The following MAST4 variants were observed in gnomAD, a reference collection of about 807,000 sequenced individuals.
MAST4 encodes the protein microtubule associated serine/threonine kinase family member 4.
Under a neutral mutation model 162.7 loss-of-function variants are expected in MAST4, and 89 were observed. That is an observed-to-expected ratio of 0.55 (90% CI 0.46 to 0.65). MAST4 has a LOEUF of 0.65. Ranked by LOEUF, MAST4 falls within the 30% of genes least tolerant of loss-of-function variation. The probability of loss-of-function intolerance (pLI) is 0.00; values close to 1 mark genes in which losing one functional copy is unlikely to be tolerated. For synonymous variants in MAST4, 1,479 were observed against 1,361.1 expected, an observed-to-expected ratio of 1.09 and a Z score of -1.91; for missense variants, 3,153 against 3,374.0, an observed-to-expected ratio of 0.93 and a Z score of 1.62.
chr5:66,736,658 C>T (rs962717066), intron 1 of MAST4, among the ~76,000 whole-genome samples: 6 of 152,156 alleles, frequency 3.9e-5, no homozygotes, highest in Non-Finnish European at 7.4e-5. Flanking sequence ...TTTCTGCAGT[C>T]CTGCATTCAG....
rs117456860 is a variant in MAST4 at position 66,600,979 on chromosome 5, T to A, written c.363+3961T>A. Among the ~76,000 whole-genome samples the A allele has an allele frequency of 4.4e-3, 668 of 152,334 alleles. 17 individuals are homozygous for A. In the South Asian group the frequency reaches 0.062, roughly 14 times the overall value. ...GGTATAAGTTAGGAAATGGTTTCTCTTATTAACAATAGGCTTACAGTGATA... is the reference window on the plus strand; with the variant it reads ...GGTATAAGTTAGGAAATGGTTTCTCATATTAACAATAGGCTTACAGTGATA... On this transcript the variant is annotated intron_variant, in intron 1 of 28. Coordinates refer to ENST00000403625, the MANE Select transcript of MAST4 (RefSeq NM_001164664.2).
At chr5:66,854,604 A>T (rs1313621270) in intron 3 of MAST4, among the ~76,000 whole-genome samples, 1 of 152,090 alleles carries the variant, frequency 6.6e-6, no homozygotes, top group East Asian at 1.9e-4. Context: ...CAGACGGAGC[A>T]TGGGAGAGGG....
At chr5:67,141,914 T>A (rs1305570612) in intron 19 of MAST4, among the ~76,000 whole-genome samples, 2 of 152,358 alleles carry the variant, frequency 1.3e-5, no homozygotes, top group East Asian at 3.9e-4. Flanking sequence ...TAGCAACTGC[T>A]GTTAGCAACA....
intron 4 of MAST4, among the ~76,000 whole-genome samples, chr5:66,996,677 T>C (rs1211099159): frequency 6.6e-6 from 1 of 152,180 alleles, no homozygotes; most frequent in Admixed American, 6.5e-5. Context: ...TTGGCTCTTG[T>C]CCCCTTCCTC....
Position 66,834,883 on chromosome 5 carries a change from A to G in MAST4, c.642+46089A>G, listed in dbSNP as rs866162940. ...TACCTGTGCTGCAGGTCGTGCAAGT[A>G]GTCTCAATTTTAAATTGCTCTGCTC... On this transcript the variant is annotated intron_variant, in intron 3 of 28. Transcript: ENST00000403625. Among the ~76,000 whole-genome samples the G allele has an allele frequency of 2.6e-5, 4 of 152,282 alleles. No homozygotes were observed. The South Asian group carries it at 8.3e-4, about 32-fold the overall frequency.
At chr5:66,968,727 A>G (rs78810596) in intron 4 of MAST4, among the ~76,000 whole-genome samples, 15,916 of 152,252 alleles carry the variant, frequency 0.1, 1,090 homozygotes, top group African/African-American at 0.19. Flanking sequence ...CACCTTGAGA[A>G]AAAGGACTTA....
intron 14 of MAST4, among the ~76,000 whole-genome samples, chr5:67,129,209 A>G (rs920904762): frequency 1.3e-5 from 2 of 152,144 alleles, no homozygotes; most frequent in Non-Finnish European, 2.9e-5. Context: ...TGGGACATGC[A>G]TTTCCTGTTG....
At chr5:66,824,550 A>G (rs1757151059) in intron 3 of MAST4, among the ~76,000 whole-genome samples, 2 of 152,254 alleles carry the variant, frequency 1.3e-5, no homozygotes, top group African/African-American at 4.8e-5. Flanking sequence ...TGAACATTTC[A>G]GTTACTGAAG....
chr5:66,988,494 TA>T (rs1749746216), intron 4 of MAST4, among the ~76,000 whole-genome samples: 1 of 152,232 alleles, frequency 6.6e-6, no homozygotes, highest in East Asian at 1.9e-4. Flanking sequence ...ATTTCTGGAA[TA>T]TTAGACACTG....
chr5:66,739,559 C>G (rs1316987656), intron 1 of MAST4, among the ~76,000 whole-genome samples: 4 of 152,186 alleles, frequency 2.6e-5, no homozygotes, highest in African/African-American at 7.2e-5. Context: ...TTCACTCCCC[C>G]TCAACAGCAT....
chr5:66,795,074 C>A (rs1364004127), intron 3 of MAST4, among the ~76,000 whole-genome samples: 5 of 152,154 alleles, frequency 3.3e-5, no homozygotes. Context: ...ATCAATACTT[C>A]ATTAGCCTTA....
chr5:67,052,258 G>A (rs984569480), intron 4 of MAST4, among the ~76,000 whole-genome samples: 1 of 152,124 alleles, frequency 6.6e-6, no homozygotes, highest in African/African-American at 2.4e-5. Context: ...TCTGTATAGA[G>A]GAGTAGATGC....
intron 3 of MAST4, chr5:66,789,669 G>T (rs2149676632): frequency 1.9e-6 from 1 of 514,566 alleles, no homozygotes; most frequent in Non-Finnish European, 3.9e-6. Flanking sequence ...ACATCCATCT[G>T]CCCCTCTCTG....
At chr5:66,994,491 C>G (rs1750406738) in intron 4 of MAST4, among the ~76,000 whole-genome samples, 2 of 152,186 alleles carry the variant, frequency 1.3e-5, no homozygotes, top group Admixed American at 6.5e-5. Context: ...ATTTGTCACT[C>G]ACCTGTCACT....
chr5:66,977,329 A>T (rs55828494), intron 4 of MAST4, among the ~76,000 whole-genome samples: 7,214 of 151,958 alleles, frequency 0.047, 576 homozygotes, highest in African/African-American at 0.16. Context: ...CTTAACTCCC[A>T]ACCTCAGGTG....
chr5:66,702,698 G>A (rs1749859514), intron 1 of MAST4, among the ~76,000 whole-genome samples: 1 of 152,150 alleles, frequency 6.6e-6, no homozygotes, highest in Admixed American at 6.5e-5. Context: ...GAGCAGAACA[G>A]GCAAGAAAGG....
intron 26 of MAST4, among the ~76,000 whole-genome samples, chr5:67,157,057 C>G (rs1298171751): frequency 6.6e-6 from 1 of 152,158 alleles, no homozygotes; most frequent in Admixed American, 6.5e-5. Flanking sequence ...TACAGAAATT[C>G]TTCTATACAA....
rs1050375293 is a variant in MAST4 at position 66,596,878 on chromosome 5, G to C, written c.223G>C (p.Ala75Pro). The C allele has an allele frequency of 2.3e-6, 3 of 1,289,672 alleles. No homozygotes were observed. The highest frequency in any genetic ancestry group is 6.3e-5 in the East Asian group (2 of 31,756). 79.9% of individuals were successfully genotyped at this position (1,289,672 alleles called of 1,614,324 possible). A position where few individuals can be genotyped will look rare whatever the true frequency, so the allele number is the denominator to read the frequency against. Residue 75 changes from alanine (A) to proline (P), a missense_variant, in exon 1 of 29, where the codon GCC (alanine) becomes CCC (proline). Physicochemically the swap from Ala to Pro is conservative, Grantham distance 27. This residue lies in a region of MAST4 where 327 missense variants were observed against 336.5 expected (regional missense o/e 0.97). Transcript: ENST00000403625. ...GCCGCCGTTGGGAGGCACCCTGGGC[G>C]CCCGGGCGCCCGCCGCGTGGGCTCC... ...PPPPLGGTLG[A>P]RAPAAWAPAS...
intron 8 of MAST4, 137 bp downstream of exon 8, chr5:67,100,729 A>C: frequency 1.9e-6 from 2 of 1,050,904 alleles, no homozygotes; most frequent in Admixed American, 5.0e-5. Flanking sequence ...TGATGTTTCC[A>C]TGTACACATA....
Sources: allele counts gnomAD v4.1 joint callset (sites outside exome capture counted in the v4.1 genomes callset), GRCh38; gene constraint gnomAD v4.1.1; regional missense constraint gnomAD v4.1.1; transcripts MANE v1.5; gene names NCBI Gene and HGNC (gene_info 2026-07-23, HGNC 2026-07-21).